The following PIK3CG variants were observed in gnomAD, a reference collection of about 807,000 sequenced individuals.
PIK3CG encodes phosphatidylinositol-4,5-bisphosphate 3-kinase catalytic subunit gamma.
In PIK3CG, 55 loss-of-function variants were observed where a neutral mutation model predicts 102.3. The ratio of observed to expected loss-of-function variants is 0.54; its 90% CI spans 0.43 to 0.67. The LOEUF is 0.67. Among genes scored for constraint, PIK3CG ranks in the 30% least tolerant of loss-of-function variants. PIK3CG has a pLI of 0.00. For missense variants in PIK3CG, 1,258 were observed against 1,391.8 expected (o/e 0.90, Z 1.53); for synonymous variants, 552 against 540.0 (o/e 1.02, Z -0.31).
At position 106,895,550 on chromosome 7, in the gene PIK3CG, C is replaced by T. The variant is rs186395543; in HGVS notation, c.3030+9258C>T. On this transcript the variant is annotated intron_variant, in intron 10 of 10. Coordinates refer to ENST00000496166, the MANE Select transcript of PIK3CG (RefSeq NM_001282426.2). This position sits in a 1 kb window ranked among gnomAD's most constrained non-coding sequence, Gnocchi z 5.4. ...TTCCATCCTGCCCACCTCAGTGGGC[C>T]AGCACCATGACAGCCTCCCTTTGAC... is the stretch of plus-strand genomic sequence containing the variant. Among the ~76,000 whole-genome samples the T allele has an allele frequency of 5.3e-5, 8 of 152,340 alleles. No individual in the cohort carries two copies. The East Asian group carries it at 1.5e-3, about 29-fold the overall frequency.
chr7:106,869,250 A>G lies in PIK3CG; in HGVS notation c.1689A>G (p.Pro563=). 2 of 1,614,238 alleles carry G rather than the reference A, an allele frequency of 1.2e-6. No homozygotes were observed. ...KQLEAIIATD[P]LNPLTAEDKE... ...TGGAGGCGATCATAGCCACTGATCC[A>G]CTTAACCCTCTCACAGCAGAGGACA... The change falls in exon 2 of 11, where the codon CCA becomes CCG. Residue 563 remains proline, a synonymous_variant. Coordinates refer to ENST00000496166, the MANE Select transcript of PIK3CG (RefSeq NM_001282426.2). This position sits in a 1 kb window ranked among gnomAD's most constrained non-coding sequence, Gnocchi z 5.3.
Position 106,877,410 on chromosome 7 carries a change from A to G in PIK3CG, c.2392-2109A>G, listed in dbSNP as rs1790786073. 6.6e-6 allele frequency among the ~76,000 whole-genome samples: 1 copy of G among 152,212 alleles called. No homozygotes were observed. The highest frequency in any genetic ancestry group is 2.4e-5 in the African/African-American group (1 of 41,450). On this transcript the variant is annotated intron_variant, in intron 5 of 10. Coordinates refer to ENST00000496166, the MANE Select transcript of PIK3CG (RefSeq NM_001282426.2). The surrounding 1 kb of genome is among the most constrained non-coding windows in gnomAD (Gnocchi z 4.5). ...CCAGAACCAACACTATCCACCCCAA[A>G]ATGGCAACAGTGCCAAGGTTAAGAA... is the stretch of plus-strand genomic sequence containing the variant.
rs1222520144 is a variant in PIK3CG, at chr7:106,879,617, T to C, written c.2490T>C (p.Ile830=). 6.2e-7 allele frequency: 1 copy of C among 1,612,978 alleles called. No individual in the cohort carries two copies. Among genetic ancestry groups the C allele is most frequent in the Non-Finnish European group, 8.5e-7 (1 of 1,179,062 alleles). The part of the protein sequence containing the change: ...PTALSNETIG[I]IFKHGDDLRQ... ...CCCTATCAAATGAAACAATTGGAAT[T>C]ATCTTTAAACATGGTGATGATCTGC... is the stretch of plus-strand genomic sequence containing the variant. The change falls in exon 6 of 11, where the codon ATT becomes ATC. Residue 830 remains isoleucine (I), a synonymous_variant. Transcript: ENST00000496166. The surrounding 1 kb of genome is among the most constrained non-coding windows in gnomAD (Gnocchi z 4.9).
At chr7:106,878,461 A>T (rs1307995693) in intron 5 of PIK3CG, among the ~76,000 whole-genome samples, 1 of 152,086 alleles carries the variant, frequency 6.6e-6, no homozygotes, top group Non-Finnish European at 1.5e-5. Flanking sequence ...CCTCTCTGAG[A>T]CTTCAGTTAC....
rs1343504981 is a variant in PIK3CG at position 106,868,835 on chromosome 7, A to G, written c.1274A>G (p.Lys425Arg). Residue 425 changes from lysine to arginine, a missense_variant, in exon 2 of 11, where the codon AAA becomes AGA. Coordinates refer to ENST00000496166, the MANE Select transcript of PIK3CG (RefSeq NM_001282426.2). This position sits in a 1 kb window ranked among gnomAD's most constrained non-coding sequence, Gnocchi z 6.2. ...AGTATCAAAATCAAAGACTTGCCCA[A>G]AGGGGCTCTACTGAACCTCCAGATC... ...EFSIKIKDLP[K>R]GALLNLQIYC... The G allele has an allele frequency of 5.6e-6, 9 of 1,614,066 alleles. No individual in the cohort carries two copies. The highest frequency in any genetic ancestry group is 1.6e-4 in the Middle Eastern group (1 of 6,084).
At position 106,883,899 on chromosome 7, in the gene PIK3CG, C is replaced by T. The variant is rs1020214223; in HGVS notation, c.2761-256C>T. ...GTGATGCATGGAGAGGAAGTGAACC[C>T]TTTGATTAAATTACTGTTGCCCTTT... On this transcript the variant is annotated intron_variant, in intron 8 of 10. Coordinates refer to ENST00000496166, the MANE Select transcript of PIK3CG (RefSeq NM_001282426.2). This position sits in a 1 kb window ranked among gnomAD's most constrained non-coding sequence, Gnocchi z 5.8. 1.3e-5 allele frequency among the ~76,000 whole-genome samples: 2 copies of T among 152,116 alleles called. No individual in the cohort carries two copies. The highest frequency in any genetic ancestry group is 2.9e-5 in the Non-Finnish European group (2 of 68,020).
rs145944814 is a variant in PIK3CG, at chr7:106,868,134, C to G, written c.573C>G (p.Arg191=). ...VTPRMAEVAS[R]DPKLYAMHPW... ...CGCGCATGGCGGAGGTGGCCAGCCG[C>G]GACCCCAAGCTCTACGCCATGCACC... Residue 191 remains arginine, a synonymous_variant, in exon 2 of 11, where the codon CGC becomes CGG. Transcript: ENST00000496166. The surrounding 1 kb of genome is among the most constrained non-coding windows in gnomAD (Gnocchi z 6.2). 1 of 1,612,358 alleles carries G rather than the reference C, an allele frequency of 6.2e-7. No homozygotes were observed. Among genetic ancestry groups the G allele is most frequent in the Non-Finnish European group, 8.5e-7 (1 of 1,179,514 alleles).
chr7:106,876,680 T>C (rs1790756543), intron 5 of PIK3CG, among the ~76,000 whole-genome samples: 2 of 151,148 alleles, frequency 1.3e-5, no homozygotes, highest in African/African-American at 2.4e-5. Flanking sequence ...GGATTACAGG[T>C]GTGAGCCACC....
Position 106,899,478 on chromosome 7 carries a change from A to C in PIK3CG, c.3031-5631A>C, listed in dbSNP as rs1316952663. 6.6e-6 allele frequency among the ~76,000 whole-genome samples: 1 copy of C among 152,208 alleles called. No homozygotes were observed. Among genetic ancestry groups the C allele is most frequent in the Non-Finnish European group, 1.5e-5 (1 of 68,038 alleles). On this transcript the variant is annotated intron_variant, in intron 10 of 10. Coordinates refer to ENST00000496166, the MANE Select transcript of PIK3CG (RefSeq NM_001282426.2). This position sits in a 1 kb window ranked among gnomAD's most constrained non-coding sequence, Gnocchi z 4.6. ...GAATGCTTCCAGCTTTTGCCCATTC[A>C]GTATAATGTTGGCTGTGGGTTTGTC...
In PIK3CG at chr7:106,891,856, G is replaced by A. The variant is rs888788806; in HGVS notation, c.3030+5564G>A. Among the ~76,000 whole-genome samples, 6 of 151,696 alleles carry A rather than the reference G, an allele frequency of 4.0e-5. No individual in the cohort carries two copies. The highest frequency in any genetic ancestry group is 7.4e-5 in the Non-Finnish European group (5 of 67,952). On this transcript the variant is annotated intron_variant, in intron 10 of 10. Transcript: ENST00000496166. This position sits in a 1 kb window ranked among gnomAD's most constrained non-coding sequence, Gnocchi z 4.4. ...TCAGGCCCACCCTGTTTCCAGTTCCGCAGTCTTATCCCCATGCCAGCGTAT... is the reference window on the plus strand; with the variant it reads ...TCAGGCCCACCCTGTTTCCAGTTCCACAGTCTTATCCCCATGCCAGCGTAT...
chr7:106,878,526 G>A (rs910526128), intron 5 of PIK3CG, among the ~76,000 whole-genome samples: 2 of 152,154 alleles, frequency 1.3e-5, no homozygotes, highest in Non-Finnish European at 2.9e-5. Flanking sequence ...CCTCTGTGCT[G>A]TAGCCTAGAA....
At chr7:106,888,869 C>T (rs148157738) in intron 10 of PIK3CG, among the ~76,000 whole-genome samples, 14 of 152,230 alleles carry the variant, frequency 9.2e-5, no homozygotes, top group Non-Finnish European at 1.5e-4. Flanking sequence ...TATTATTCAT[C>T]CTTTCATAAC....
rs144283799 is a variant in PIK3CG at position 106,892,335 on chromosome 7, C to T, written c.3030+6043C>T. Among the ~76,000 whole-genome samples, 13 of 152,192 alleles carry T rather than the reference C, an allele frequency of 8.5e-5. 1 individual carries two copies. The highest frequency in any genetic ancestry group is 8.5e-4 in the Admixed American group (13 of 15,286). On this transcript the variant is annotated intron_variant, in intron 10 of 10. Coordinates refer to ENST00000496166, the MANE Select transcript of PIK3CG (RefSeq NM_001282426.2). The surrounding 1 kb of genome is among the most constrained non-coding windows in gnomAD (Gnocchi z 5.2). ...GCTCTAGCCTGTTATAGTTACCAGG[C>T]CTTATTCACCATATCCAAAATAGGA...
At chr7:106,873,717 CTG>C (rs143014145) in intron 4 of PIK3CG, among the ~76,000 whole-genome samples, 55 of 149,272 alleles carry the variant, frequency 3.7e-4, no homozygotes, top group Non-Finnish European at 5.2e-4. Context: ...GACTCTGTAT[CTG>C]TGTGTGTGTG....
Position 106,903,747 on chromosome 7 carries a change from T to G in PIK3CG, c.3031-1362T>G, listed in dbSNP as rs201538701. 5.7e-4 allele frequency among the ~76,000 whole-genome samples: 1 copy of G among 1,746 alleles called. No individual in the cohort carries two copies. Among genetic ancestry groups the G allele is most frequent in the Non-Finnish European group, 3.6e-3 (1 of 280 alleles). 1.1% of individuals were successfully genotyped at this position (1,746 alleles called of 152,430 possible). A position where few individuals can be genotyped will look rare whatever the true frequency, so the allele number is the denominator to read the frequency against. On this transcript the variant is annotated intron_variant, in intron 10 of 10. Coordinates refer to ENST00000496166, the MANE Select transcript of PIK3CG (RefSeq NM_001282426.2). The surrounding 1 kb of genome is among the most constrained non-coding windows in gnomAD (Gnocchi z 4.3). ...TTCCTTCACTTTTCTGATTTTATTT[T>G]TTTTATTTATTTATTTATTTATTTA...
chr7:106,886,627 A>T (rs891503664), intron 10 of PIK3CG, among the ~76,000 whole-genome samples: 1 of 152,150 alleles, frequency 6.6e-6, no homozygotes, highest in African/African-American at 2.4e-5. Flanking sequence ...TAGCCACTAG[A>T]TATTTGTCTA....
Position 106,872,395 on chromosome 7 carries a change from A to G in PIK3CG, c.1996-142A>G, listed in dbSNP as rs1790561665. ...TAAGTGTCCTCTAACAGACAGGATT[A>G]AACTTAAGTGACTGTTAAGATTTTC... On this transcript the variant is annotated intron_variant, in intron 2 of 10. Coordinates refer to ENST00000496166, the MANE Select transcript of PIK3CG (RefSeq NM_001282426.2). This position sits in a 1 kb window ranked among gnomAD's most constrained non-coding sequence, Gnocchi z 5.3. 1 of 691,594 alleles carries G rather than the reference A, an allele frequency of 1.4e-6. No homozygotes were observed. The highest frequency in any genetic ancestry group is 2.5e-5 in the Admixed American group (1 of 39,404). The allele number at this position is 691,594 out of a possible 1,614,324, so 42.8% of individuals were successfully genotyped here. A position where few individuals can be genotyped will look rare whatever the true frequency, so the allele number is the denominator to read the frequency against.
intron 1 of PIK3CG, among the ~76,000 whole-genome samples, chr7:106,866,945 G>A (rs1349344652): frequency 6.6e-6 from 1 of 152,202 alleles, no homozygotes; most frequent in African/African-American, 2.4e-5. Context: ...GCTGGGTGAG[G>A]TGTCTGGGTT....
rs1791651938 is a variant in PIK3CG, at chr7:106,905,012, G to A, written c.3031-97G>A. On this transcript the variant is annotated intron_variant, in intron 10 of 10. Transcript: ENST00000496166. The surrounding 1 kb of genome is among the most constrained non-coding windows in gnomAD (Gnocchi z 5.6). ...CCTTGATGGTTTCTTCTCATGGACA[G>A]GTAACTCTATGTACATTTCAGTACA... 1 of 1,067,762 alleles carries A rather than the reference G, an allele frequency of 9.4e-7. No homozygotes were observed. The highest frequency in any genetic ancestry group is 1.4e-6 in the Non-Finnish European group (1 of 727,768). The allele number at this position is 1,067,762 out of a possible 1,614,324, so 66.1% of individuals were successfully genotyped here. A position where few individuals can be genotyped will look rare whatever the true frequency, so the allele number is the denominator to read the frequency against.
Sources: allele counts gnomAD v4.1 joint callset (sites outside exome capture counted in the v4.1 genomes callset), GRCh38; gene constraint gnomAD v4.1.1; non-coding constraint Gnocchi (gnomAD v3.1); transcripts MANE v1.5; gene names NCBI Gene and HGNC (gene_info 2026-07-23, HGNC 2026-07-21).